LEMD3: variants seen among roughly 807,000 people sequenced by gnomAD.
The protein encoded by LEMD3 is inner nuclear membrane protein Man1.
In LEMD3, 33 loss-of-function variants were observed where a neutral mutation model predicts 95.2. The ratio of observed to expected loss-of-function variants is 0.35; its 90% CI spans 0.26 to 0.46. The LOEUF is 0.46. Among genes scored for constraint, LEMD3 ranks in the 20% least tolerant of loss-of-function variants. The pLI is 1.00. For synonymous variants in LEMD3, 525 were observed against 474.6 expected, an observed-to-expected ratio of 1.11 and a Z score of -1.38; for missense variants, 1,210 against 1,192.8, an observed-to-expected ratio of 1.01 and a Z score of -0.21.
At chr12:65,189,795 CT>C (rs1869181633) in intron 1 of LEMD3, among the ~76,000 whole-genome samples, 2 of 152,134 alleles carry the variant, frequency 1.3e-5, no homozygotes, top group Non-Finnish European at 2.9e-5. Flanking sequence ...TTTAAATCTG[CT>C]TTGCTGGAAT....
chr12:65,226,533 G>C (rs1428798775), intron 4 of LEMD3, among the ~76,000 whole-genome samples: 2 of 152,126 alleles, frequency 1.3e-5, no homozygotes, highest in African/African-American at 2.4e-5. Context: ...ATGTTTTAAG[G>C]CTTTCAGCAA....
In LEMD3 at chr12:65,244,276, CACACACACA is replaced by C. The variant is rs1871025319; in HGVS notation, c.2387+808_2387+816del. 1.4e-5 allele frequency among the ~76,000 whole-genome samples: 2 copies of C among 140,708 alleles called. 1 individual carries two copies. The allele number at this position is 140,708 out of a possible 152,430, so 92.3% of individuals were successfully genotyped here. On this transcript the variant is annotated intron_variant, in intron 10 of 12. Coordinates refer to ENST00000308330, the MANE Select transcript of LEMD3 (RefSeq NM_014319.5). ...TTGCACGTGGGCACGCGCACACACA[CACACACACA>C]CCCCCCCCACACACACAGAGACAAA...
At chr12:65,203,763 T>G (rs2136331791) in intron 1 of LEMD3, among the ~76,000 whole-genome samples, 1 of 152,354 alleles carries the variant, frequency 6.6e-6, no homozygotes, top group African/African-American at 2.4e-5. Context: ...ATTCTTCCTT[T>G]TTTTCCTTTT....
At chr12:65,212,364 C>T (rs1301265602) in intron 2 of LEMD3, among the ~76,000 whole-genome samples, 5 of 151,928 alleles carry the variant, frequency 3.3e-5, no homozygotes, top group Admixed American at 3.3e-4. Context: ...AGGCATAAGG[C>T]AAACAGTTTA....
chr12:65,229,418 A>T (rs940564047), intron 4 of LEMD3, among the ~76,000 whole-genome samples: 1 of 152,186 alleles, frequency 6.6e-6, no homozygotes, highest in Non-Finnish European at 1.5e-5. Context: ...TTGCTGGATC[A>T]TATGGTGGTT....
chr12:65,233,916 T>A (rs1365949062), intron 4 of LEMD3, among the ~76,000 whole-genome samples: 2 of 152,150 alleles, frequency 1.3e-5, no homozygotes, highest in Non-Finnish European at 2.9e-5. Flanking sequence ...ACACATAATG[T>A]GTTAGATTTA....
In LEMD3 at chr12:65,187,177, A is replaced by G. The variant is rs182463657; in HGVS notation, c.1522+16059A>G. On this transcript the variant is annotated intron_variant, in intron 1 of 12. Transcript: ENST00000308330. ...GGTTTTAGAAGCCATTAGCTACTTT[A>G]GGCAATATTAGCTACTTTAGCTACT... 2.0e-3 allele frequency among the ~76,000 whole-genome samples: 299 copies of G among 152,260 alleles called. 2 individuals carry two copies. Among genetic ancestry groups the G allele is most frequent in the Non-Finnish European group, 2.8e-3 (189 of 67,982 alleles).
At chr12:65,194,703 CTTAGCAG>C (rs1869355081) in intron 1 of LEMD3, among the ~76,000 whole-genome samples, 2 of 151,442 alleles carry the variant, frequency 1.3e-5, no homozygotes, top group East Asian at 2.0e-4. Context: ...ATATCTATAC[CTTAGCAG>C]AATTTGGGCT....
chr12:65,183,814 G>A (rs1166737437), intron 1 of LEMD3, among the ~76,000 whole-genome samples: 1 of 152,118 alleles, frequency 6.6e-6, no homozygotes, highest in African/African-American at 2.4e-5. Flanking sequence ...AGCTTAGAGT[G>A]GAAGTGGTAT....
At chr12:65,191,432 A>G (rs1335237657) in intron 1 of LEMD3, among the ~76,000 whole-genome samples, 1 of 152,058 alleles carries the variant, frequency 6.6e-6, no homozygotes, top group Non-Finnish European at 1.5e-5. Context: ...ATTTCATACC[A>G]TTTCTAGAAC....
chr12:65,225,929 T>C (rs1000389956), intron 4 of LEMD3, among the ~76,000 whole-genome samples: 16 of 152,110 alleles, frequency 1.1e-4, no homozygotes, highest in Admixed American at 3.9e-4. Flanking sequence ...GTATACTGAG[T>C]CCTATCCGCA....
intron 1 of LEMD3, among the ~76,000 whole-genome samples, chr12:65,191,612 A>G (rs997114960): frequency 2.0e-5 from 3 of 152,138 alleles, no homozygotes; most frequent in African/African-American, 7.2e-5. Context: ...TCCCCTGGAA[A>G]CTACCGAAGT....
In LEMD3 at chr12:65,246,284, C is replaced by T. The variant is rs201280850; in HGVS notation, c.2695C>T (p.Arg899Cys). The T allele has an allele frequency of 3.0e-5, 49 of 1,613,460 alleles. No homozygotes were observed. The highest frequency in any genetic ancestry group is 6.7e-5 in the East Asian group (3 of 44,870). ...NKHMNSMSHL[R>C]LRTGLTNSQG... The stretch of plus-strand genomic sequence containing the variant: ...ACATATGAACTCCATGTCTCATCTT[C>T]GTCTTCGGACTGGCCTAACCAATTC... Residue 899 changes from arginine to cysteine, a missense_variant, in exon 13 of 13, where the codon CGT (arginine) becomes TGT (cysteine). This residue lies in a region of LEMD3 where 461 missense variants were observed against 569.8 expected (regional missense o/e 0.81). Coordinates refer to ENST00000308330, the MANE Select transcript of LEMD3 (RefSeq NM_014319.5).
Position 65,248,159 on chromosome 12 carries a change from T to C in LEMD3, c.*1834T>C, listed in dbSNP as rs923450682. 2 of 152,536 alleles carry C rather than the reference T, an allele frequency of 1.3e-5. No homozygotes were observed. Among genetic ancestry groups the C allele is most frequent in the South Asian group, 2.1e-4 (1 of 4,828 alleles). 9.4% of individuals were successfully genotyped at this position (152,536 alleles called of 1,614,324 possible). A position where few individuals can be genotyped will look rare whatever the true frequency, so the allele number is the denominator to read the frequency against. On this transcript the variant is annotated 3_prime_UTR_variant, in exon 13 of 13. Transcript: ENST00000308330. ...TTTATTATTGTAATATATACTATTA[T>C]GCAGCTTATTTTACCTGAAACTGTT...
At chr12:65,221,962 C>T (rs972991049) in intron 4 of LEMD3, among the ~76,000 whole-genome samples, 3 of 151,874 alleles carry the variant, frequency 2.0e-5, no homozygotes, top group Non-Finnish European at 2.9e-5. Flanking sequence ...AGGCTGGTCT[C>T]GAACTCCTGA....
intron 9 of LEMD3, among the ~76,000 whole-genome samples, chr12:65,242,167 C>G (rs1057228660): frequency 6.6e-6 from 1 of 152,156 alleles, no homozygotes; most frequent in African/African-American, 2.4e-5. Context: ...TTTGACAGTT[C>G]AGCCCTCCTT....
At chr12:65,242,289 G>A (rs1870960938) in intron 9 of LEMD3, among the ~76,000 whole-genome samples, 1 of 151,806 alleles carries the variant, frequency 6.6e-6, no homozygotes, top group Admixed American at 6.6e-5. Flanking sequence ...TTCACCTCTA[G>A]GTGTTAGAGT....
At chr12:65,225,507 C>T (rs1484323612) in intron 4 of LEMD3, among the ~76,000 whole-genome samples, 1 of 152,100 alleles carries the variant, frequency 6.6e-6, no homozygotes, top group Non-Finnish European at 1.5e-5. Flanking sequence ...AGTTTATAAT[C>T]TTTTGATCCC....
intron 6 of LEMD3, 59 bp from the exon 7 acceptor site, chr12:65,239,870 A>G (rs1226799307): frequency 1.8e-6 from 2 of 1,119,438 alleles, no homozygotes; most frequent in Non-Finnish European, 2.7e-6. Context: ...TAATCACTGA[A>G]ATATTATTGA....
Sources: allele counts gnomAD v4.1 joint callset (sites outside exome capture counted in the v4.1 genomes callset), GRCh38; gene constraint gnomAD v4.1.1; regional missense constraint gnomAD v4.1.1; transcripts MANE v1.5; gene names NCBI Gene and HGNC (gene_info 2026-07-23, HGNC 2026-07-21).